Variants in DLGAP2 observed in about 807,000 individuals in gnomAD.
The protein encoded by DLGAP2 is DLG associated protein 2.
In DLGAP2, 26 loss-of-function variants were observed where a neutral mutation model predicts 100.3. That is an observed-to-expected ratio of 0.26 (90% CI 0.19 to 0.36). The LOEUF is 0.36. DLGAP2 is among the 10% of genes least tolerant of loss of function. The pLI, the probability that DLGAP2 is intolerant of heterozygous loss-of-function variation, is 1.00. For missense variants in DLGAP2, 1,858 were observed against 1,453.2 expected (o/e 1.28, Z -4.53); for synonymous variants, 886 against 630.1 (o/e 1.41, Z -6.08).
intron 2 of DLGAP2, among the ~76,000 whole-genome samples, chr8:959,546 G>A (rs911771747): frequency 2.6e-5 from 4 of 152,224 alleles, no homozygotes; most frequent in African/African-American, 9.6e-5. Flanking sequence ...AAAGCTCTGT[G>A]CCCGTCGTCA....
intron 3 of DLGAP2, among the ~76,000 whole-genome samples, chr8:1,338,186 C>A (rs1392286991): frequency 6.6e-6 from 1 of 152,220 alleles, no homozygotes; most frequent in Non-Finnish European, 1.5e-5. Flanking sequence ...CCTAAGCATT[C>A]ATCCCAGAGA....
intron 3 of DLGAP2, among the ~76,000 whole-genome samples, chr8:1,347,573 C>A (rs1801594753): frequency 6.6e-6 from 1 of 151,922 alleles, no homozygotes; most frequent in Non-Finnish European, 1.5e-5. Flanking sequence ...AGCTACATTG[C>A]TGTCTTGGTA....
At chr8:967,294 C>T (rs1485205706) in intron 2 of DLGAP2, among the ~76,000 whole-genome samples, 1 of 152,214 alleles carries the variant, frequency 6.6e-6, no homozygotes, top group South Asian at 2.1e-4. Flanking sequence ...TGGGAATGAG[C>T]CCAGCTTAAG....
intron 1 of DLGAP2, among the ~76,000 whole-genome samples, chr8:880,546 C>T (rs1017288121): frequency 7.2e-6 from 1 of 138,160 alleles, no homozygotes. Flanking sequence ...CCAGCCCTTG[C>T]CTGCGACATG....
At chr8:1,102,698 G>A (rs899749700) in intron 2 of DLGAP2, among the ~76,000 whole-genome samples, 19 of 152,172 alleles carry the variant, frequency 1.2e-4, no homozygotes, top group African/African-American at 4.3e-4. Flanking sequence ...GGCCTCGTGC[G>A]TGGGGGGATT....
chr8:1,480,321 G>A lies in DLGAP2; in HGVS notation c.107-21045G>A, dbSNP rs1034332940. Reference sequence around the variant, plus strand: ...TTGTCTCCAGATTGTCTTGGAAGAGGAAGAGGATGGGTGATGGGGGCATCT... The same window carrying A: ...TTGTCTCCAGATTGTCTTGGAAGAGAAAGAGGATGGGTGATGGGGGCATCT... On this transcript the variant is annotated intron_variant, in intron 3 of 14. Transcript: ENST00000637795. 3.3e-5 allele frequency among the ~76,000 whole-genome samples: 5 copies of A among 152,160 alleles called. No homozygotes were observed. In the South Asian group the frequency reaches 8.3e-4, roughly 25 times the overall value.
chr8:1,315,468 C>G (rs1480831641), intron 3 of DLGAP2, among the ~76,000 whole-genome samples: 7 of 143,966 alleles, frequency 4.9e-5, no homozygotes, highest in African/African-American at 1.3e-4. Context: ...GGTCTACACT[C>G]GAGAAACTCG....
Position 1,568,362 on chromosome 8 carries a change from C to T in DLGAP2, c.1442+2468C>T, listed in dbSNP as rs1406576242. On this transcript the variant is annotated intron_variant, in intron 6 of 14. Coordinates refer to ENST00000637795, the MANE Select transcript of DLGAP2 (RefSeq NM_001346810.2). ...CACTCTGCCCGTGGCCCCCATGCCA[C>T]TGTCCACTCAGCACACACAAATCCA... 9.6e-3 allele frequency among the ~76,000 whole-genome samples: 694 copies of T among 72,102 alleles called. 34 individuals are homozygous for T. The highest frequency in any genetic ancestry group is 0.029 in the Middle Eastern group (3 of 102). 47.3% of individuals were successfully genotyped at this position (72,102 alleles called of 152,430 possible).
intron 2 of DLGAP2, chr8:927,126 C>G (rs1584895474): frequency 1.0e-6 from 1 of 985,244 alleles, no homozygotes; most frequent in Admixed American, 6.1e-5. Flanking sequence ...GCAAACTAAT[C>G]GATTGTAATT....
intron 3 of DLGAP2, among the ~76,000 whole-genome samples, chr8:1,446,391 C>T (rs1285931650): frequency 6.6e-6 from 1 of 152,148 alleles, no homozygotes; most frequent in Non-Finnish European, 1.5e-5. Flanking sequence ...TGTCAAAGAT[C>T]AGATGGTTGT....
chr8:1,027,592 CA>C, intron 2 of DLGAP2, among the ~76,000 whole-genome samples: 1 of 138,502 alleles, frequency 7.2e-6, no homozygotes, highest in African/African-American at 2.7e-5. Flanking sequence ...GGTGGGGTGC[CA>C]GGGGCCCGTT....
chr8:1,232,168 G>C (rs1358513513), intron 2 of DLGAP2, among the ~76,000 whole-genome samples: 1 of 152,226 alleles, frequency 6.6e-6, no homozygotes, highest in Non-Finnish European at 1.5e-5. Context: ...GTGGTGCTGA[G>C]CCTTTGGGGC....
chr8:1,474,728 T>C (rs1250583322), intron 3 of DLGAP2, among the ~76,000 whole-genome samples: 3 of 152,198 alleles, frequency 2.0e-5, no homozygotes, highest in Non-Finnish European at 2.9e-5. Context: ...AAAAATAACC[T>C]GTTTAACAGG....
chr8:1,029,979 G>C (rs113473969), intron 2 of DLGAP2, among the ~76,000 whole-genome samples: 57 of 152,346 alleles, frequency 3.7e-4, no homozygotes, highest in Non-Finnish European at 7.1e-4. Context: ...CTCATCCCGA[G>C]AGGAAGCTGG....
chr8:1,669,560 T>C (rs1329183924), intron 9 of DLGAP2, among the ~76,000 whole-genome samples, 183 bp from the exon 10 acceptor site: 2 of 152,350 alleles, frequency 1.3e-5, no homozygotes, highest in African/African-American at 4.8e-5. Flanking sequence ...CTCGGAGCTT[T>C]AACAGTCAGA....
chr8:1,429,538 C>G (rs955179296), intron 3 of DLGAP2, among the ~76,000 whole-genome samples: 2 of 152,114 alleles, frequency 1.3e-5, no homozygotes, highest in Non-Finnish European at 2.9e-5. Context: ...GACTTAGGGA[C>G]ATGGAACACT....
chr8:1,549,189 C>T lies in DLGAP2; in HGVS notation c.736C>T (p.Leu246=), dbSNP rs1346091922. 2.5e-6 allele frequency: 4 copies of T among 1,599,806 alleles called. No individual in the cohort carries two copies. Among genetic ancestry groups the T allele is most frequent in the East Asian group, 2.3e-5 (1 of 44,088 alleles). ...GAAGCTCTTCACCAAGTCGCACTCG[C>T]TGGAGGGCTCCTCCAAAAGCAACGC... ...VQKLFTKSHS[L]EGSSKSNANG... Residue 246 remains leucine (L), a synonymous_variant, in exon 5 of 15, where the codon CTG becomes TTG. Coordinates refer to ENST00000637795, the MANE Select transcript of DLGAP2 (RefSeq NM_001346810.2).
At chr8:1,332,249 T>C (rs1563088160) in intron 3 of DLGAP2, among the ~76,000 whole-genome samples, 1 of 152,188 alleles carries the variant, frequency 6.6e-6, no homozygotes, top group Non-Finnish European at 1.5e-5. Flanking sequence ...TGTGAGTATA[T>C]GCATGTGTAT....
chr8:966,027 C>T (rs73176508), intron 2 of DLGAP2, among the ~76,000 whole-genome samples: 1,590 of 152,334 alleles, frequency 0.01, 12 homozygotes, highest in Non-Finnish European at 0.016. Flanking sequence ...CCGTGACCCC[C>T]GTGGTCTCCC....
Sources: gnomAD v4.1 joint callset for allele counts (sites outside exome capture counted in the v4.1 genomes callset) on GRCh38, gnomAD v4.1.1 for gene constraint, MANE v1.5 for transcripts, NCBI Gene and HGNC (gene_info 2026-07-23, HGNC 2026-07-21) for gene names.